The following FHIT variants were observed in gnomAD, a reference collection of about 807,000 sequenced individuals.
FHIT encodes the protein bis(5'-adenosyl)-triphosphatase.
FHIT carries 19 observed loss-of-function variants against 17.9 expected under a neutral mutation model. The ratio of observed to expected loss-of-function variants is 1.06; its 90% CI spans 0.74 to 1.56. The LOEUF is 1.56. FHIT is among the 40% of genes most tolerant of loss of function. The pLI, the probability that FHIT is intolerant of heterozygous loss-of-function variation, is 0.00. For synonymous variants in FHIT, 81 were observed against 69.7 expected (o/e 1.16, Z -0.81); for missense variants, 248 against 189.2 (o/e 1.31, Z -1.82).
chr3:60,930,626 A>C (rs1553771458), intron 3 of FHIT, among the ~76,000 whole-genome samples: 1 of 152,230 alleles, frequency 6.6e-6, no homozygotes, highest in Non-Finnish European at 1.5e-5. Context: ...GCTGATCATC[A>C]CTGGCCATCA....
chr3:60,212,851 T>C (rs1281057641), intron 5 of FHIT, among the ~76,000 whole-genome samples: 1 of 152,194 alleles, frequency 6.6e-6, no homozygotes, highest in Non-Finnish European at 1.5e-5. Context: ...TGGGCGCTAA[T>C]GATTTTCTAA....
intron 5 of FHIT, among the ~76,000 whole-genome samples, chr3:60,047,726 C>T (rs572486794): frequency 1.3e-5 from 2 of 152,296 alleles, no homozygotes; most frequent in African/African-American, 4.8e-5. Flanking sequence ...TCCCCAATAA[C>T]TCTACGAGGT....
Position 60,975,020 on chromosome 3 carries a change from T to C in FHIT, c.-111+67027A>G, listed in dbSNP as rs149639401. Among the ~76,000 whole-genome samples the C allele has an allele frequency of 2.6e-5, 4 of 152,268 alleles. No homozygotes were observed. In the East Asian group the frequency reaches 7.7e-4, roughly 29 times the overall value. ...ATTCTGTCTTCGGCTTTGGCTTAAG[T>C]TATGGTTACTGATGGTAGCTGTAAG... On this transcript the variant is annotated intron_variant, in intron 3 of 9. Coordinates refer to ENST00000492590, the MANE Select transcript of FHIT (RefSeq NM_002012.4).
intron 5 of FHIT, among the ~76,000 whole-genome samples, chr3:60,348,120 C>T (rs933816413): frequency 1.9e-5 from 1 of 51,674 alleles, no homozygotes; most frequent in Non-Finnish European, 3.6e-5. Context: ...CCTGTAAGGG[C>T]AAAAAGTATA....
At chr3:60,609,251 A>C (rs1332588806) in intron 4 of FHIT, among the ~76,000 whole-genome samples, 1 of 152,196 alleles carries the variant, frequency 6.6e-6, no homozygotes, top group Non-Finnish European at 1.5e-5. Context: ...CAAATCTGCC[A>C]GCATTGCCTT....
intron 5 of FHIT, among the ~76,000 whole-genome samples, chr3:60,430,508 ATTT>A (rs533600109): frequency 6.6e-6 from 1 of 151,170 alleles, no homozygotes; most frequent in Non-Finnish European, 1.5e-5. Flanking sequence ...TAAGGGCAAT[ATTT>A]TTTTTTCTGC....
chr3:60,959,660 C>T (rs975590201), intron 3 of FHIT, among the ~76,000 whole-genome samples: 2 of 152,206 alleles, frequency 1.3e-5, no homozygotes, highest in African/African-American at 4.8e-5. Flanking sequence ...AGAAAACAAA[C>T]TTCCATGGGG....
At chr3:61,038,577 T>A (rs1216533901) in intron 3 of FHIT, among the ~76,000 whole-genome samples, 1 of 152,226 alleles carries the variant, frequency 6.6e-6, no homozygotes, top group African/African-American at 2.4e-5. Context: ...CAATACCAAA[T>A]AATTACTGTT....
chr3:60,626,783 C>CTTTT lies in FHIT; in HGVS notation c.-17-89805_-17-89804insAAAA, dbSNP rs71627548. On this transcript the variant is annotated intron_variant, in intron 4 of 9. Coordinates refer to ENST00000492590, the MANE Select transcript of FHIT (RefSeq NM_002012.4). ...TTCTTCCTTATCTTAGGGGAAAACA[C>CTTTT]TCTTTTTTTTTTTTTTTTTTACGTT... Among the ~76,000 whole-genome samples, 685 of 85,884 alleles carry CTTTT rather than the reference C, an allele frequency of 8.0e-3. 45 individuals are homozygous for CTTTT. Among genetic ancestry groups the CTTTT allele is most frequent in the Admixed American group, 0.073 (577 of 7,878 alleles). 56.3% of individuals were successfully genotyped at this position (85,884 alleles called of 152,430 possible). A position where few individuals can be genotyped will look rare whatever the true frequency, so the allele number is the denominator to read the frequency against.
chr3:60,560,844 C>CACACACACAGAGAG lies in FHIT; in HGVS notation c.-17-23866_-17-23865insCTCTCTGTGTGTGT, dbSNP rs139684970. ...ACACACACACACACACACACACACA[C>CACACACACAGAGAG]AGAGAGAGAGAGAGTGTGTGTGTGT... On this transcript the variant is annotated intron_variant, in intron 4 of 9. Transcript: ENST00000492590. Among the ~76,000 whole-genome samples the CACACACACAGAGAG allele has an allele frequency of 2.0e-4, 24 of 122,348 alleles. 1 individual carries two copies. Among genetic ancestry groups the CACACACACAGAGAG allele is most frequent in the Admixed American group, 7.6e-4 (9 of 11,770 alleles). The allele number at this position is 122,348 out of a possible 152,430, so 80.3% of individuals were successfully genotyped here.
chr3:61,100,649 T>TAA (rs1164816396), intron 2 of FHIT, among the ~76,000 whole-genome samples: 1 of 152,156 alleles, frequency 6.6e-6, no homozygotes. Context: ...GTCTTCCACA[T>TAA]TGGTTGAACT....
At chr3:60,643,442 C>A (rs376089394) in intron 4 of FHIT, among the ~76,000 whole-genome samples, 7 of 152,070 alleles carry the variant, frequency 4.6e-5, no homozygotes, top group Non-Finnish European at 8.8e-5. Flanking sequence ...CCTGCATAGA[C>A]AAAGCAAGAC....
At chr3:60,581,934 G>A (rs1267585696) in intron 4 of FHIT, among the ~76,000 whole-genome samples, 1 of 151,950 alleles carries the variant, frequency 6.6e-6, no homozygotes, top group African/African-American at 2.4e-5. Flanking sequence ...AATATAAGCA[G>A]GTGACAGTGG....
chr3:61,208,540 A>T (rs970948458), intron 1 of FHIT, among the ~76,000 whole-genome samples: 3 of 151,986 alleles, frequency 2.0e-5, no homozygotes, highest in Non-Finnish European at 4.4e-5. Flanking sequence ...AGCTCTTCTC[A>T]TTGAATTGAT....
rs553366195 is a variant in FHIT, at chr3:60,018,938, C to T, written c.104-4786G>A. 3.3e-5 allele frequency among the ~76,000 whole-genome samples: 5 copies of T among 152,250 alleles called. No homozygotes were observed. The South Asian group carries it at 8.3e-4, about 25-fold the overall frequency. ...GAGGTTGCAGTGAGCCAAGGTCACG[C>T]CATTGCACTCCAGCCTGGGCTACAA... On this transcript the variant is annotated intron_variant, in intron 5 of 9. Coordinates refer to ENST00000492590, the MANE Select transcript of FHIT (RefSeq NM_002012.4).
rs113058513 is a variant in FHIT at position 60,591,650 on chromosome 3, T to C, written c.-17-54671A>G. 3.3e-3 allele frequency among the ~76,000 whole-genome samples: 499 copies of C among 152,170 alleles called. 2 individuals are homozygous for C. The highest frequency in any genetic ancestry group is 0.011 in the African/African-American group (473 of 41,550). On this transcript the variant is annotated intron_variant, in intron 4 of 9. Transcript: ENST00000492590. ...GTCGTGGAAGACTAAAGTTAGTAGC[T>C]CTTCCATATGTTACACTATGAAACA...
chr3:60,744,504 G>C (rs1183811130), intron 4 of FHIT, among the ~76,000 whole-genome samples: 2 of 152,114 alleles, frequency 1.3e-5, no homozygotes, highest in Non-Finnish European at 2.9e-5. Flanking sequence ...CAAAAACAGA[G>C]AAACAGGAGA....
chr3:59,918,048 C>T (rs1705217487), intron 8 of FHIT, among the ~76,000 whole-genome samples: 1 of 152,184 alleles, frequency 6.6e-6, no homozygotes, highest in South Asian at 2.1e-4. Flanking sequence ...GATTCTGTTC[C>T]ATCAATGCCC....
chr3:60,017,424 C>T (rs1057063105), intron 5 of FHIT, among the ~76,000 whole-genome samples: 2 of 152,160 alleles, frequency 1.3e-5, no homozygotes, highest in African/African-American at 2.4e-5. Context: ...TGCCCCTTCT[C>T]ATCCTGACTT....
Sources: allele counts gnomAD v4.1 joint callset (sites outside exome capture counted in the v4.1 genomes callset), GRCh38; gene constraint gnomAD v4.1.1; transcripts MANE v1.5; gene names NCBI Gene and HGNC (gene_info 2026-07-23, HGNC 2026-07-21).